IL31RA: variants seen among roughly 807,000 people sequenced by gnomAD.
The protein encoded by IL31RA is interleukin-31 receptor subunit alpha.
IL31RA carries 66 observed loss-of-function variants against 83.7 expected under a neutral mutation model. The ratio of observed to expected loss-of-function variants is 0.79; its 90% CI spans 0.65 to 0.97. IL31RA has a LOEUF of 0.97. Ranked by LOEUF, IL31RA falls within the 50% of genes least tolerant of loss-of-function variation. The pLI is 0.00. For synonymous variants in IL31RA, 325 were observed against 329.0 expected (o/e 0.99, Z 0.13); for missense variants, 798 against 919.4 (o/e 0.87, Z 1.71).
intron 4 of IL31RA, among the ~76,000 whole-genome samples, chr5:55,881,073 C>T (rs1057359408): frequency 2.6e-5 from 4 of 151,978 alleles, no homozygotes; most frequent in Non-Finnish European, 5.9e-5. Context: ...GAGCCTGAGG[C>T]GGGCGGATCA....
intron 9 of IL31RA, among the ~76,000 whole-genome samples, chr5:55,906,677 T>C (rs1218849328): frequency 1.3e-5 from 2 of 152,234 alleles, no homozygotes; most frequent in African/African-American, 4.8e-5. Context: ...GTGATTGTTA[T>C]AGGAATAGCC....
Position 55,918,239 on chromosome 5 carries a change from C to A in IL31RA, c.*1119C>A, listed in dbSNP as rs190229563. 3.9e-5 allele frequency among the ~76,000 whole-genome samples: 6 copies of A among 152,200 alleles called. No homozygotes were observed. The East Asian group carries it at 1.2e-3, about 29-fold the overall frequency. On this transcript the variant is annotated 3_prime_UTR_variant, in exon 15 of 15. Transcript: ENST00000652347. ...AGGAGGCTGGTGAGATCAGGGCAGG[C>A]GAGGCAATGAGTGAGTGGCCCAAGG... is the stretch of plus-strand genomic sequence containing the variant.
At chr5:55,854,091 C>T (rs1745213902) in intron 1 of IL31RA, among the ~76,000 whole-genome samples, 1 of 152,188 alleles carries the variant, frequency 6.6e-6, no homozygotes, top group Admixed American at 6.5e-5. Flanking sequence ...GTAATACAAA[C>T]CCTACACGGA....
rs934436310 is a variant in IL31RA, at chr5:55,918,712, T to C, written c.*1592T>C. 1.3e-5 allele frequency among the ~76,000 whole-genome samples: 2 copies of C among 152,056 alleles called. No homozygotes were observed. Among genetic ancestry groups the C allele is most frequent in the Non-Finnish European group, 2.9e-5 (2 of 68,008 alleles). On this transcript the variant is annotated 3_prime_UTR_variant, in exon 15 of 15. Coordinates refer to ENST00000652347, the MANE Select transcript of IL31RA (RefSeq NM_139017.7). ...GTCACCTACCACTTACCTTAGCCAA[T>C]TGCTGCCTCGTTACTGTGGGCACAG...
intron 1 of IL31RA, 116 bp downstream of exon 1, chr5:55,851,749 C>A: frequency 6.3e-7 from 1 of 1,598,906 alleles, no homozygotes; most frequent in South Asian, 1.1e-5. Context: ...AAATCCTGAG[C>A]CGTATGAGAT....
At chr5:55,845,653 T>C in the IL31RA span, among the ~76,000 whole-genome samples, 1 of 152,156 alleles carries the variant, frequency 6.6e-6, no homozygotes, top group Admixed American at 6.6e-5. Context: ...TCCATCCTGT[T>C]GCCCTGTGAA....
chr5:55,887,964 C>T lies in IL31RA; in HGVS notation c.607-2006C>T, dbSNP rs1447532210. Among the ~76,000 whole-genome samples, 5 of 151,164 alleles carry T rather than the reference C, an allele frequency of 3.3e-5. No homozygotes were observed. The East Asian group carries it at 7.8e-4, about 24-fold the overall frequency. On this transcript the variant is annotated intron_variant, in intron 5 of 14. Coordinates refer to ENST00000652347, the MANE Select transcript of IL31RA (RefSeq NM_139017.7). ...ACTGGGGAGGCTGAGGCAGGAGAAT[C>T]GCTTGAACCCGGGAGGCAGAGGTTG...
At chr5:55,904,922 G>A (rs975012237) in intron 8 of IL31RA, among the ~76,000 whole-genome samples, 9 of 150,898 alleles carry the variant, frequency 6.0e-5, no homozygotes, top group African/African-American at 1.5e-4. Context: ...CTGGCTGGGC[G>A]TGGTGGCTCG....
At chr5:55,845,777 C>T in the IL31RA span, among the ~76,000 whole-genome samples, 21 of 152,122 alleles carry the variant, frequency 1.4e-4, no homozygotes, top group Non-Finnish European at 2.6e-4. Flanking sequence ...TACCCAGTCT[C>T]GGGTGTTTCT....
rs1232541848 is a variant in IL31RA, at chr5:55,907,271, A to G, written c.1253-88A>G. The G allele has an allele frequency of 2.1e-5, 16 of 775,392 alleles. No individual in the cohort carries two copies. The East Asian group carries it at 3.7e-4, about 18-fold the overall frequency. 48.0% of individuals were successfully genotyped at this position (775,392 alleles called of 1,614,324 possible). A position where few individuals can be genotyped will look rare whatever the true frequency, so the allele number is the denominator to read the frequency against. On this transcript the variant is annotated intron_variant, in intron 9 of 14. Coordinates refer to ENST00000652347, the MANE Select transcript of IL31RA (RefSeq NM_139017.7). ...ACTGTAGAGAAATGGAATATCTTCT[A>G]TAAGTGTTTGGCCATAACTCTTAGT...
the IL31RA span, among the ~76,000 whole-genome samples, chr5:55,840,508 G>T: frequency 6.6e-6 from 1 of 152,232 alleles, no homozygotes; most frequent in Non-Finnish European, 1.5e-5. Flanking sequence ...CGCTGCCTTT[G>T]TGGAACTTAC....
chr5:55,842,071 C>A, the IL31RA span, among the ~76,000 whole-genome samples: 1 of 152,144 alleles, frequency 6.6e-6, no homozygotes, highest in Non-Finnish European at 1.5e-5. Flanking sequence ...TGAGCCACTG[C>A]CCCTGGTCTT....
rs1195220412 is a variant in IL31RA at position 55,919,756 on chromosome 5, C to A, written c.*2636C>A. On this transcript the variant is annotated 3_prime_UTR_variant, in exon 15 of 15. Transcript: ENST00000652347. ...AAGGCACTGGTGGGCCACACCTTAG[C>A]TCTCCTGAGCAGGTTCACAGGATGT... Among the ~76,000 whole-genome samples, 3 of 152,166 alleles carry A rather than the reference C, an allele frequency of 2.0e-5. No individual in the cohort carries two copies. Among genetic ancestry groups the A allele is most frequent in the Admixed American group, 6.5e-5 (1 of 15,280 alleles).
upstream of IL31RA, among the ~76,000 whole-genome samples, chr5:55,848,901 A>C (rs760819173): frequency 1.3e-5 from 2 of 152,206 alleles, no homozygotes; most frequent in Non-Finnish European, 2.9e-5. Context: ...GAAAAAAATG[A>C]AACAAGTAAA....
At chr5:55,900,602 A>C (rs925523714) in intron 8 of IL31RA, among the ~76,000 whole-genome samples, 5 of 152,128 alleles carry the variant, frequency 3.3e-5, no homozygotes, top group Non-Finnish European at 7.4e-5. Context: ...ACTATGGAAA[A>C]ATTCTAGTGT....
At chr5:55,868,719 G>A (rs1056834611) in intron 2 of IL31RA, 72 bp from the exon 3 acceptor site, 1 of 921,236 alleles carries the variant, frequency 1.1e-6, no homozygotes, top group Non-Finnish European at 1.8e-6. Context: ...CATTAAAAAT[G>A]TTCAATGCTG....
In IL31RA at chr5:55,908,424, A is replaced by G. The variant is rs1263637463; in HGVS notation, c.1501+13A>G. On this transcript the variant is annotated intron_variant, in intron 11 of 14. Transcript: ENST00000652347. ...GGAAAAGGATTCTGTAAGCACGCCC[A>G]TAGCGAAGTGGAAAAAAACCCCAAG... is the stretch of plus-strand genomic sequence containing the variant. 1 of 1,614,236 alleles carries G rather than the reference A, an allele frequency of 6.2e-7. No individual in the cohort carries two copies. Among genetic ancestry groups the G allele is most frequent in the Non-Finnish European group, 8.5e-7 (1 of 1,180,048 alleles).
chr5:55,855,313 T>A (rs1017093553), intron 1 of IL31RA, among the ~76,000 whole-genome samples: 2 of 94,940 alleles, frequency 2.1e-5, no homozygotes, highest in Non-Finnish European at 5.2e-5. Context: ...TCAGATAATT[T>A]AAAATATATA....
At chr5:55,911,417 G>C (rs567993561) in intron 12 of IL31RA, among the ~76,000 whole-genome samples, 1 of 152,188 alleles carries the variant, frequency 6.6e-6, no homozygotes, top group East Asian at 1.9e-4. Flanking sequence ...TGTACAACAG[G>C]GCCTTCAAGG....
Sources: gnomAD v4.1 joint callset for allele counts (sites outside exome capture counted in the v4.1 genomes callset) on GRCh38, gnomAD v4.1.1 for gene constraint, MANE v1.5 for transcripts, NCBI Gene and HGNC (gene_info 2026-07-23, HGNC 2026-07-21) for gene names.